ZNF708: variants seen among roughly 807,000 people sequenced by gnomAD.
ZNF708 encodes ZNF15, ZNF15L1.
Under a neutral mutation model 47.0 loss-of-function variants are expected in ZNF708, and 44 were observed. The ratio of observed to expected loss-of-function variants is 0.94; its 90% CI spans 0.74 to 1.20. The LOEUF is 1.20. ZNF708 is among the 50% of genes most tolerant of loss of function. The probability of loss-of-function intolerance (pLI) is 0.00; values close to 1 mark genes in which losing one functional copy is unlikely to be tolerated. For missense variants in ZNF708, 557 were observed against 656.0 expected, an observed-to-expected ratio of 0.85 and a Z score of 1.65; for synonymous variants, 184 against 218.5, an observed-to-expected ratio of 0.84 and a Z score of 1.39.
chr19:21,302,652 T>C (rs1039556986), intron 3 of ZNF708, among the ~76,000 whole-genome samples: 1 of 152,064 alleles, frequency 6.6e-6, no homozygotes, highest in Non-Finnish European at 1.5e-5. Flanking sequence ...TGAGCCGAGA[T>C]CATGCCATTG....
At chr19:21,323,897 G>C (rs1022073300) in intron 1 of ZNF708, among the ~76,000 whole-genome samples, 2 of 152,142 alleles carry the variant, frequency 1.3e-5, no homozygotes, top group African/African-American at 4.8e-5. Context: ...TGAGCCAGTG[G>C]GCTAAAGCTT....
At chr19:21,313,340 T>C (rs1161245447) in intron 1 of ZNF708, among the ~76,000 whole-genome samples, 1 of 151,452 alleles carries the variant, frequency 6.6e-6, no homozygotes, top group African/African-American at 2.4e-5. Context: ...GAATAACATA[T>C]TATATGATTT....
chr19:21,299,390 A>G (rs1972608181), intron 3 of ZNF708, among the ~76,000 whole-genome samples: 1 of 152,132 alleles, frequency 6.6e-6, no homozygotes, highest in African/African-American at 2.4e-5. Flanking sequence ...GCTTTGCAAG[A>G]TAAAAACATT....
chr19:21,328,114 C>T (rs1254869988), intron 1 of ZNF708: 9 of 558,710 alleles, frequency 1.6e-5, no homozygotes, highest in South Asian at 1.6e-4. Flanking sequence ...CACATCACTC[C>T]GTAAAGTTTC....
intron 1 of ZNF708, among the ~76,000 whole-genome samples, chr19:21,316,194 C>T (rs1326993530): frequency 1.5e-5 from 2 of 129,146 alleles, no homozygotes; most frequent in African/African-American, 3.0e-5. Context: ...AGTGCAGTGG[C>T]GCAATCTCAG....
rs1040159571 is a variant in ZNF708, at chr19:21,319,502, G to A, written c.4-8875C>T. 6.0e-5 allele frequency among the ~76,000 whole-genome samples: 9 copies of A among 151,206 alleles called. No individual in the cohort carries two copies. In the East Asian group the frequency reaches 7.8e-4, roughly 13 times the overall value. On this transcript the variant is annotated intron_variant, in intron 1 of 3. Coordinates refer to ENST00000356929, the MANE Select transcript of ZNF708 (RefSeq NM_021269.3). ...GAGTTTTGCTCTTGTTGCCCAGGCT[G>A]GAGAGGAATGGTGTGATCTTGTCTC... is the stretch of plus-strand genomic sequence containing the variant.
At position 21,307,876 on chromosome 19, in the gene ZNF708, A is replaced by G. The variant is rs922392786; in HGVS notation, c.226+1370T>C. On this transcript the variant is annotated intron_variant, in intron 3 of 3. Transcript: ENST00000356929. ...AAATCTTACATATAAAAATACATAA[A>G]CAGTACATTAAAACCTATCTAATAA... Among the ~76,000 whole-genome samples the G allele has an allele frequency of 3.9e-5, 6 of 152,330 alleles. No individual in the cohort carries two copies. In the East Asian group the frequency reaches 1.2e-3, roughly 29 times the overall value.
In ZNF708 at chr19:21,293,137, G is replaced by T; in HGVS notation, c.*137C>A. 1.8e-6 allele frequency: 2 copies of T among 1,102,878 alleles called. No individual in the cohort carries two copies. Among genetic ancestry groups the T allele is most frequent in the South Asian group, 2.9e-5 (2 of 69,504 alleles). The allele number at this position is 1,102,878 out of a possible 1,614,324, so 68.3% of individuals were successfully genotyped here. A position where few individuals can be genotyped will look rare whatever the true frequency, so the allele number is the denominator to read the frequency against. On this transcript the variant is annotated 3_prime_UTR_variant, in exon 4 of 4. Coordinates refer to ENST00000356929, the MANE Select transcript of ZNF708 (RefSeq NM_021269.3). ...CATTTGTAGGGTTTCTCTCTAGTAT[G>T]AATTATCTTTTGTTTCATAAGGATT...
chr19:21,310,268 G>T (rs1254911249), intron 2 of ZNF708, among the ~76,000 whole-genome samples: 1 of 151,400 alleles, frequency 6.6e-6, no homozygotes, highest in African/African-American at 2.4e-5. Flanking sequence ...AACATGGTAA[G>T]ACCCCATCTC....
chr19:21,302,003 A>C (rs112674812), intron 3 of ZNF708, among the ~76,000 whole-genome samples: 38 of 152,184 alleles, frequency 2.5e-4, no homozygotes, highest in African/African-American at 8.7e-4. Context: ...GTTCGGGCCT[A>C]TGAATCCTAC....
At chr19:21,327,532 C>CAAA (rs34203181) in intron 1 of ZNF708, among the ~76,000 whole-genome samples, 16 of 133,868 alleles carry the variant, frequency 1.2e-4, no homozygotes, top group Non-Finnish European at 1.9e-4. Context: ...AACTCCACCT[C>CAAA]AAAAAAAAAA....
rs998976586 is a variant in ZNF708, at chr19:21,292,009, G to T, written c.*1265C>A. The T allele has an allele frequency of 1.3e-5, 2 of 151,992 alleles. No homozygotes were observed. Among genetic ancestry groups the T allele is most frequent in the African/African-American group, 4.8e-5 (2 of 41,402 alleles). The allele number at this position is 151,992 out of a possible 1,614,324, so 9.4% of individuals were successfully genotyped here. On this transcript the variant is annotated 3_prime_UTR_variant, in exon 4 of 4. Coordinates refer to ENST00000356929, the MANE Select transcript of ZNF708 (RefSeq NM_021269.3). Reference sequence around the variant, plus strand: ...TTTTAACAGTCAGCACTTTGATATAGTGTAATGTCTGAAGCATCCATACCT... The same window carrying T: ...TTTTAACAGTCAGCACTTTGATATATTGTAATGTCTGAAGCATCCATACCT...
chr19:21,306,201 A>G (rs12984300), intron 3 of ZNF708, among the ~76,000 whole-genome samples: 2 of 152,040 alleles, frequency 1.3e-5, no homozygotes, highest in East Asian at 3.9e-4. Context: ...CATGAGCAAC[A>G]ACAACAACAA....
At chr19:21,297,062 G>T (rs184403907) in intron 3 of ZNF708, among the ~76,000 whole-genome samples, 175 of 151,518 alleles carry the variant, frequency 1.2e-3, no homozygotes, top group African/African-American at 4.1e-3. Context: ...TAACCTGAAA[G>T]GTGGAGGTTG....
chr19:21,314,591 G>C (rs557691357), intron 1 of ZNF708, among the ~76,000 whole-genome samples: 17 of 152,226 alleles, frequency 1.1e-4, no homozygotes, highest in African/African-American at 3.9e-4. Flanking sequence ...TCTAGACTAA[G>C]AGTTTCTGGA....
chr19:21,325,207 T>G (rs1292007354), intron 1 of ZNF708, among the ~76,000 whole-genome samples: 3 of 151,832 alleles, frequency 2.0e-5, no homozygotes, highest in Non-Finnish European at 2.9e-5. Context: ...TTCACAGAAT[T>G]AAAAAAAATT....
chr19:21,294,362 C>A lies in ZNF708; in HGVS notation c.604G>T (p.Gly202Cys). The change falls in exon 4 of 4, where the codon GGC (glycine) becomes TGC (cysteine). Residue 202 changes from glycine (G) to cysteine (C), a missense_variant. Physicochemically the swap from Gly to Cys is radical, Grantham distance 159 (BLOSUM62 -3). Coordinates refer to ENST00000356929, the MANE Select transcript of ZNF708 (RefSeq NM_021269.3). ...GEKPYKCEECGKAFKKSSNLT... is the reference protein window; with the variant it reads ...GEKPYKCEECCKAFKKSSNLT... ...TTTGAGGACTTTTTAAAAGCTTTGC[C>A]ACATTCTTCACATTTGTAGGGTTTT... is the stretch of plus-strand genomic sequence containing the variant. The A allele has an allele frequency of 6.2e-7, 1 of 1,613,394 alleles. No homozygotes were observed. Among genetic ancestry groups the A allele is most frequent in the East Asian group, 2.2e-5 (1 of 44,828 alleles).
chr19:21,312,973 T>C (rs1972931276), intron 1 of ZNF708, among the ~76,000 whole-genome samples: 1 of 151,944 alleles, frequency 6.6e-6, no homozygotes, highest in African/African-American at 2.4e-5. Context: ...CAAGGTGTAT[T>C]AAGCAGGCGC....
chr19:21,310,462 TA>T, intron 2 of ZNF708, 38 bp downstream of exon 2: 1 of 1,004,336 alleles, frequency 1.0e-6, no homozygotes, highest in Non-Finnish European at 1.3e-6. Flanking sequence ...AAAATAATAA[TA>T]AATAATAAAA....
Sources: gnomAD v4.1 joint callset for allele counts (sites outside exome capture counted in the v4.1 genomes callset) on GRCh38, gnomAD v4.1.1 for gene constraint, MANE v1.5 for transcripts, NCBI Gene and HGNC (gene_info 2026-07-23, HGNC 2026-07-21) for gene names.